EPB41L3: variants seen among roughly 807,000 people sequenced by gnomAD.
The protein encoded by EPB41L3 is band 4.1-like protein 3.
A neutral mutation model predicts 127.1 loss-of-function variants in EPB41L3; 57 were observed. That is an observed-to-expected ratio of 0.45 (90% CI 0.36 to 0.56). EPB41L3 has a LOEUF of 0.56. Ranked by LOEUF, EPB41L3 falls within the 20% of genes least tolerant of loss-of-function variation. The pLI, the probability that EPB41L3 is intolerant of heterozygous loss-of-function variation, is 0.00. For synonymous variants in EPB41L3, 572 were observed against 549.5 expected, an observed-to-expected ratio of 1.04 and a Z score of -0.57; for missense variants, 1,273 against 1,372.2, an observed-to-expected ratio of 0.93 and a Z score of 1.14.
chr18:5,498,313 G>A (rs925672376), intron 1 of EPB41L3, among the ~76,000 whole-genome samples: 3 of 152,146 alleles, frequency 2.0e-5, no homozygotes, highest in Admixed American at 6.6e-5. Flanking sequence ...AGTTCAGACG[G>A]CTGGGCGCCG....
chr18:5,492,480 A>G (rs1310508215), intron 1 of EPB41L3, among the ~76,000 whole-genome samples: 1 of 121,260 alleles, frequency 8.2e-6, no homozygotes, highest in Non-Finnish European at 1.6e-5. Context: ...TCTTATACTC[A>G]TTCCTTGCTT....
chr18:5,431,916 T>C (rs1305884836), intron 8 of EPB41L3, among the ~76,000 whole-genome samples: 1 of 152,172 alleles, frequency 6.6e-6, no homozygotes, highest in East Asian at 1.9e-4. Context: ...AAAAGTGTAA[T>C]AATGAACTGG....
At chr18:5,575,482 C>T (rs543285873) in intron 3 of EPB41L3, among the ~76,000 whole-genome samples, 62 of 152,116 alleles carry the variant, frequency 4.1e-4, no homozygotes, top group African/African-American at 1.4e-3. Context: ...CATGTGACAC[C>T]CCTGCACCCT....
intron 16 of EPB41L3, chr18:5,400,422 G>T (rs966556748): frequency 2.5e-6 from 1 of 396,046 alleles, no homozygotes; most frequent in Admixed American, 3.1e-5. Context: ...AGAAATACGT[G>T]TGCCTTTAAA....
At chr18:5,415,671 C>T (rs1267579757) in intron 13 of EPB41L3, 147 bp downstream of exon 13, 3 of 854,122 alleles carry the variant, frequency 3.5e-6, no homozygotes, top group East Asian at 5.3e-5. Context: ...AGGTTGGACT[C>T]CCCAACACAC....
intron 1 of EPB41L3, among the ~76,000 whole-genome samples, chr18:5,492,704 C>A (rs979091442): frequency 3.3e-5 from 5 of 152,150 alleles, no homozygotes; most frequent in Admixed American, 6.5e-5. Context: ...TGAAACTGTC[C>A]TTTCCTTATA....
chr18:5,491,076 A>G (rs900308697), intron 1 of EPB41L3, among the ~76,000 whole-genome samples: 2 of 152,250 alleles, frequency 1.3e-5, no homozygotes, highest in Non-Finnish European at 2.9e-5. Flanking sequence ...TGAGACTACA[A>G]TGAGCTGTGG....
At position 5,604,114 on chromosome 18, in the gene EPB41L3, T is replaced by C. The variant is rs1008606572; in HGVS notation, c.-306+8226A>G. Among the ~76,000 whole-genome samples, 3 of 152,150 alleles carry C rather than the reference T, an allele frequency of 2.0e-5. No individual in the cohort carries two copies. The East Asian group carries it at 5.8e-4, about 29-fold the overall frequency. ...ACATGTAACTTCCACTCAGCCAAGT[T>C]TGATGTAATGCATCTTTTCTAGTAT... On this transcript the variant is annotated intron_variant, in intron 3 of 21. Coordinates refer to the EPB41L3 transcript ENST00000545076.
chr18:5,546,005 AAATT>A (rs1309476054), upstream of EPB41L3, among the ~76,000 whole-genome samples: 1 of 152,140 alleles, frequency 6.6e-6, no homozygotes, highest in African/African-American at 2.4e-5. Flanking sequence ...GGACTTGAAT[AAATT>A]GTATTGTTTA....
chr18:5,428,587 T>C (rs905465578), intron 8 of EPB41L3, 122 bp from the exon 9 acceptor site: 10 of 1,118,686 alleles, frequency 8.9e-6, no homozygotes, highest in Non-Finnish European at 1.3e-5. Flanking sequence ...TGCAAAATGA[T>C]GCAGCCATTT....
At chr18:5,475,230 A>G (rs953361368) in intron 3 of EPB41L3, among the ~76,000 whole-genome samples, 6 of 152,238 alleles carry the variant, frequency 3.9e-5, no homozygotes, top group African/African-American at 1.4e-4. Context: ...GGGACCATTT[A>G]TTAAGAATAT....
intron 1 of EPB41L3, among the ~76,000 whole-genome samples, chr18:5,519,886 G>A (rs1396908663): frequency 1.3e-5 from 2 of 152,148 alleles, no homozygotes; most frequent in Non-Finnish European, 2.9e-5. Flanking sequence ...CTAGAATGAC[G>A]AATATCCTTA....
At chr18:5,537,436 A>G (rs1384017941) in intron 1 of EPB41L3, among the ~76,000 whole-genome samples, 1 of 152,204 alleles carries the variant, frequency 6.6e-6, no homozygotes, top group African/African-American at 2.4e-5. Flanking sequence ...AGAGAAAAAA[A>G]CATCACATTC....
intron 16 of EPB41L3, chr18:5,398,660 G>C (rs545307856): frequency 2.6e-4 from 105 of 400,146 alleles, no homozygotes; most frequent in Admixed American, 1.6e-3. Flanking sequence ...CCACTACTCG[G>C]GAGGCGGATG....
intron 3 of EPB41L3, among the ~76,000 whole-genome samples, chr18:5,605,457 C>T (rs1568636472): frequency 6.6e-6 from 1 of 152,142 alleles, no homozygotes; most frequent in Admixed American, 6.6e-5. Flanking sequence ...TGGCTCACTG[C>T]AGCCTAAATC....
chr18:5,438,909 T>C (rs2080255208), intron 5 of EPB41L3, among the ~76,000 whole-genome samples: 1 of 152,228 alleles, frequency 6.6e-6, no homozygotes, highest in Non-Finnish European at 1.5e-5. Flanking sequence ...TATGAAGCCT[T>C]AACTAAGCTC....
chr18:5,478,494 A>G, intron 2 of EPB41L3, 56 bp from the exon 3 acceptor site: 1 of 1,564,170 alleles, frequency 6.4e-7, no homozygotes, highest in Non-Finnish European at 8.8e-7. Flanking sequence ...TAAATATTGC[A>G]TTGCTCATGC....
At chr18:5,433,873 A>G in intron 7 of EPB41L3, 30 bp downstream of exon 7, 2 of 1,612,178 alleles carry the variant, frequency 1.2e-6, no homozygotes, top group Non-Finnish European at 1.7e-6. Flanking sequence ...ATCAAGGCAC[A>G]ACTTAAATGA....
chr18:5,487,706 C>T (rs1031474475), intron 2 of EPB41L3, among the ~76,000 whole-genome samples: 5 of 151,248 alleles, frequency 3.3e-5, no homozygotes, highest in South Asian at 2.1e-4. Flanking sequence ...TCAGGTGATC[C>T]GCCCTCCTAA....
Sources: allele counts gnomAD v4.1 joint callset (sites outside exome capture counted in the v4.1 genomes callset), GRCh38; gene constraint gnomAD v4.1.1; transcripts MANE v1.5; gene names NCBI Gene and HGNC (gene_info 2026-07-23, HGNC 2026-07-21).